EEIG2: variants seen among roughly 807,000 people sequenced by gnomAD.
EEIG2 encodes family with sequence similarity 102 member B.
chr1:108,574,017 G>A, the EEIG2 span, among the ~76,000 whole-genome samples: 23 of 152,192 alleles, frequency 1.5e-4, no homozygotes, highest in Non-Finnish European at 2.2e-4. Context: ...TCTTCTGGAT[G>A]TATACCCAAA....
the EEIG2 span, chr1:108,629,560 TAACA>T: frequency 6.8e-7 from 1 of 1,481,168 alleles, no homozygotes; most frequent in African/African-American, 1.4e-5. Context: ...ATTGTACATG[TAACA>T]AACATTTTAA....
the EEIG2 span, among the ~76,000 whole-genome samples, chr1:108,592,152 A>C: frequency 6.6e-6 from 1 of 152,190 alleles, no homozygotes; most frequent in African/African-American, 2.4e-5. Context: ...TGCTTCAGGG[A>C]AGAGATATTG....
At chr1:108,621,454 A>G in the EEIG2 span, among the ~76,000 whole-genome samples, 9 of 152,200 alleles carry the variant, frequency 5.9e-5, no homozygotes, top group African/African-American at 2.2e-4. Context: ...GTTAGTATAG[A>G]TGGCTGATAT....
chr1:108,613,796 C>T, the EEIG2 span, among the ~76,000 whole-genome samples: 2 of 152,034 alleles, frequency 1.3e-5, no homozygotes, highest in African/African-American at 4.8e-5. Flanking sequence ...TCTGTGCAGA[C>T]GAGCTAGCCT....
the EEIG2 span, among the ~76,000 whole-genome samples, chr1:108,593,481 A>C: frequency 1.1e-4 from 16 of 152,334 alleles, no homozygotes; most frequent in East Asian, 3.1e-3. Context: ...GTAAGCTGCA[A>C]GGGAGGTCAG....
the EEIG2 span, among the ~76,000 whole-genome samples, chr1:108,580,139 A>T: frequency 6.6e-6 from 1 of 152,202 alleles, no homozygotes; most frequent in South Asian, 2.1e-4. Context: ...GCAGCATTTC[A>T]AACTTTTTCA....
chr1:108,566,675 A>C, the EEIG2 span, among the ~76,000 whole-genome samples: 1 of 152,272 alleles, frequency 6.6e-6, no homozygotes, highest in African/African-American at 2.4e-5. Context: ...TGGTATATAC[A>C]ATGGAAATTA....
At chr1:108,585,431 T>C in the EEIG2 span, among the ~76,000 whole-genome samples, 1 of 152,060 alleles carries the variant, frequency 6.6e-6, no homozygotes, top group Admixed American at 6.6e-5. Flanking sequence ...ATGTGAGGAG[T>C]GGTGTCAGAT....
At chr1:108,634,083 T>C in the EEIG2 span, among the ~76,000 whole-genome samples, 8 of 152,296 alleles carry the variant, frequency 5.3e-5, no homozygotes, top group African/African-American at 1.9e-4. Flanking sequence ...ACTTATTCTA[T>C]CCGGTTTTCT....
chr1:108,592,617 C>T, the EEIG2 span, among the ~76,000 whole-genome samples: 38 of 152,196 alleles, frequency 2.5e-4, no homozygotes, highest in South Asian at 4.1e-4. Context: ...TTTGTGTCTT[C>T]ATTGGGTGGG....
chr1:108,576,119 C>T, the EEIG2 span, among the ~76,000 whole-genome samples: 1 of 152,094 alleles, frequency 6.6e-6, no homozygotes, highest in Non-Finnish European at 1.5e-5. Context: ...GTAGCTGGGA[C>T]CACAGGCACA....
chr1:108,611,278 C>T, the EEIG2 span, among the ~76,000 whole-genome samples: 5 of 152,222 alleles, frequency 3.3e-5, no homozygotes, highest in South Asian at 1.0e-3. Flanking sequence ...TAATAAGTTG[C>T]AACTCAATTC....
the EEIG2 span, among the ~76,000 whole-genome samples, chr1:108,603,539 G>A: frequency 1.3e-5 from 2 of 152,284 alleles, no homozygotes; most frequent in South Asian, 2.1e-4. Context: ...AAAAGCAAAT[G>A]TATGCCTTCT....
chr1:108,585,759 G>A, the EEIG2 span, among the ~76,000 whole-genome samples: 1 of 152,106 alleles, frequency 6.6e-6, no homozygotes, highest in Non-Finnish European at 1.5e-5. Context: ...GTAAGGATAA[G>A]CAAGACAACC....
the EEIG2 span, chr1:108,638,911 C>G: frequency 6.6e-6 from 1 of 152,160 alleles, no homozygotes; most frequent in Non-Finnish European, 1.5e-5. Context: ...TACAACAAAG[C>G]TGACAAAATT....
the EEIG2 span, among the ~76,000 whole-genome samples, chr1:108,595,470 G>A: frequency 7.0e-6 from 1 of 143,246 alleles, no homozygotes; most frequent in Non-Finnish European, 1.5e-5. Context: ...GGAAGGAAGG[G>A]AGGGGGGAAA....
chr1:108,576,995 G>A, the EEIG2 span, among the ~76,000 whole-genome samples: 6 of 150,302 alleles, frequency 4.0e-5, no homozygotes, highest in Admixed American at 2.0e-4. Context: ...CATTCTAACT[G>A]GTGTGAGATG....
chr1:108,570,141 T>G, the EEIG2 span, among the ~76,000 whole-genome samples: 1 of 152,130 alleles, frequency 6.6e-6, no homozygotes, highest in African/African-American at 2.4e-5. Flanking sequence ...AGTGTTTAAC[T>G]GGGATTTTTT....
chr1:108,628,795 A>G, the EEIG2 span: 2 of 1,612,126 alleles, frequency 1.2e-6, no homozygotes, highest in South Asian at 2.2e-5. Flanking sequence ...CCTAGATTCC[A>G]GTGCGGAAGG....
Sources: gnomAD v4.1 joint callset for allele counts (sites outside exome capture counted in the v4.1 genomes callset) on GRCh38, gnomAD v4.1.1 for gene constraint, MANE v1.5 for transcripts, NCBI Gene and HGNC (gene_info 2026-07-23, HGNC 2026-07-21) for gene names.